NDUFAF2: variants seen among roughly 807,000 people sequenced by gnomAD.
NDUFAF2 encodes NADH dehydrogenase [ubiquinone] 1 alpha subcomplex assembly factor 2.
In NDUFAF2, 13 loss-of-function variants were observed where a neutral mutation model predicts 22.8. That is an observed-to-expected ratio of 0.57 (90% CI 0.37 to 0.91). The LOEUF is 0.91. NDUFAF2 is among the 40% of genes least tolerant of loss of function. The probability of loss-of-function intolerance (pLI) is 0.01; values close to 1 mark genes in which losing one functional copy is unlikely to be tolerated. For synonymous variants in NDUFAF2, 53 were observed against 64.2 expected (o/e 0.83, Z 0.84); for missense variants, 162 against 195.2 (o/e 0.83, Z 1.01).
In NDUFAF2 at chr5:60,961,045, A is replaced by G. The variant is rs544183851; in HGVS notation, c.127+15663A>G. Among the ~76,000 whole-genome samples, 15 of 152,200 alleles carry G rather than the reference A, an allele frequency of 9.9e-5. No homozygotes were observed. The East Asian group carries it at 2.9e-3, about 29-fold the overall frequency. ...CTTGTAAAATAAATTATTATTGTTGATGGTAGTGGTGATGGATGATGGTGG... is the reference window on the plus strand; with the variant it reads ...CTTGTAAAATAAATTATTATTGTTGGTGGTAGTGGTGATGGATGATGGTGG... On this transcript the variant is annotated intron_variant, in intron 1 of 3. Transcript: ENST00000296597.
chr5:61,119,820 T>G (rs1752954934), intron 3 of NDUFAF2, among the ~76,000 whole-genome samples: 1 of 152,198 alleles, frequency 6.6e-6, no homozygotes, highest in Non-Finnish European at 1.5e-5. Context: ...GTTGAGCACT[T>G]TTGGGACTCT....
intron 1 of NDUFAF2, among the ~76,000 whole-genome samples, chr5:60,948,439 C>T (rs1265319495): frequency 6.6e-6 from 1 of 152,056 alleles, no homozygotes; most frequent in Non-Finnish European, 1.5e-5. Context: ...GTCTTGAACT[C>T]CTGGCTTTGT....
intron 1 of NDUFAF2, among the ~76,000 whole-genome samples, chr5:61,013,001 T>C (rs1751459858): frequency 6.6e-6 from 1 of 152,092 alleles, no homozygotes; most frequent in Non-Finnish European, 1.5e-5. Flanking sequence ...TAAGTAGCAA[T>C]TGTGTGAATA....
intron 2 of NDUFAF2, among the ~76,000 whole-genome samples, chr5:61,091,416 C>A (rs564131269): frequency 2.3e-4 from 35 of 152,178 alleles, no homozygotes; most frequent in African/African-American, 7.9e-4. Context: ...ATTTCTTTAA[C>A]AATCAGTAAT....
At chr5:60,999,223 T>G (rs1751265412) in intron 1 of NDUFAF2, among the ~76,000 whole-genome samples, 1 of 151,968 alleles carries the variant, frequency 6.6e-6, no homozygotes, top group South Asian at 2.1e-4. Context: ...CACTCCTAGG[T>G]ATATACAAAA....
intron 3 of NDUFAF2, among the ~76,000 whole-genome samples, chr5:61,136,692 A>C (rs180789508): frequency 2.2e-4 from 33 of 152,308 alleles, no homozygotes; most frequent in Admixed American, 1.0e-3. Context: ...GAAAGGGAAA[A>C]AAAGAAAGTC....
chr5:61,096,178 C>T (rs941871898), intron 2 of NDUFAF2, among the ~76,000 whole-genome samples: 5 of 151,948 alleles, frequency 3.3e-5, no homozygotes, highest in African/African-American at 1.2e-4. Flanking sequence ...TTTAAAGTAC[C>T]ACCTCTTTTA....
intron 1 of NDUFAF2, among the ~76,000 whole-genome samples, chr5:60,974,267 A>C (rs898961167): frequency 1.3e-5 from 2 of 152,178 alleles, no homozygotes; most frequent in Non-Finnish European, 2.9e-5. Context: ...CTCAAACATT[A>C]GACTCCAAGT....
intron 1 of NDUFAF2, among the ~76,000 whole-genome samples, chr5:60,993,672 A>G (rs1751190343): frequency 6.6e-6 from 1 of 151,954 alleles, no homozygotes; most frequent in African/African-American, 2.4e-5. Flanking sequence ...TGCAGCTGTC[A>G]ACAGAGAGGA....
intron 1 of NDUFAF2, among the ~76,000 whole-genome samples, chr5:61,068,046 A>G (rs1011379188): frequency 1.3e-5 from 2 of 152,166 alleles, no homozygotes; most frequent in African/African-American, 4.8e-5. Context: ...TAAAAGTGAG[A>G]TTTTTAAGTG....
chr5:61,128,125 C>T (rs1381147603), intron 3 of NDUFAF2, among the ~76,000 whole-genome samples: 1 of 152,080 alleles, frequency 6.6e-6, no homozygotes, highest in Non-Finnish European at 1.5e-5. Context: ...GAACTACAAA[C>T]CACTGCTCAA....
At chr5:61,108,891 G>T (rs1752801397) in intron 3 of NDUFAF2, among the ~76,000 whole-genome samples, 1 of 152,056 alleles carries the variant, frequency 6.6e-6, no homozygotes, top group African/African-American at 2.4e-5. Context: ...GCCAGGTATT[G>T]TGATTCCCCC....
chr5:60,970,740 G>A (rs1021086907), intron 1 of NDUFAF2, among the ~76,000 whole-genome samples: 1 of 152,108 alleles, frequency 6.6e-6, no homozygotes, highest in African/African-American at 2.4e-5. Context: ...AATAACAGTG[G>A]TGACAGTGGG....
chr5:61,077,410 A>G (rs1752383069), intron 2 of NDUFAF2, among the ~76,000 whole-genome samples: 1 of 152,190 alleles, frequency 6.6e-6, no homozygotes, highest in Admixed American at 6.5e-5. Context: ...CTGAAAATTA[A>G]CTCTGCTTTA....
intron 1 of NDUFAF2, among the ~76,000 whole-genome samples, chr5:60,989,029 C>T (rs1156360072): frequency 6.6e-6 from 1 of 152,180 alleles, no homozygotes; most frequent in African/African-American, 2.4e-5. Context: ...AACTGTGCTT[C>T]TGACAAAGGT....
At chr5:61,124,475 T>C (rs1379425683) in intron 3 of NDUFAF2, among the ~76,000 whole-genome samples, 3 of 152,076 alleles carry the variant, frequency 2.0e-5, no homozygotes, top group Non-Finnish European at 4.4e-5. Context: ...ATTTTATTTT[T>C]ATTATAACTT....
chr5:61,035,596 T>A (rs535058051), intron 1 of NDUFAF2, among the ~76,000 whole-genome samples: 1 of 152,142 alleles, frequency 6.6e-6, no homozygotes, highest in South Asian at 2.1e-4. Flanking sequence ...CAGAGCAGTC[T>A]CTTCTCTCCT....
At chr5:61,121,829 T>TC (rs1177555585) in intron 3 of NDUFAF2, among the ~76,000 whole-genome samples, 2 of 148,804 alleles carry the variant, frequency 1.3e-5, no homozygotes, top group East Asian at 3.9e-4. Context: ...CCTTTTCTTT[T>TC]CTTTTTTTTT....
intron 1 of NDUFAF2, among the ~76,000 whole-genome samples, chr5:60,967,172 T>A (rs1580071088): frequency 1.3e-5 from 2 of 152,108 alleles, no homozygotes; most frequent in East Asian, 3.9e-4. Flanking sequence ...ATAGAAACAC[T>A]GATTTTTTGT....
Sources: allele counts gnomAD v4.1 joint callset (sites outside exome capture counted in the v4.1 genomes callset), GRCh38; gene constraint gnomAD v4.1.1; transcripts MANE v1.5; gene names NCBI Gene and HGNC (gene_info 2026-07-23, HGNC 2026-07-21).